The following CLN6 variants were observed in gnomAD, a reference collection of about 807,000 sequenced individuals.
CLN6 encodes the protein ceroid-lipofuscinosis neuronal protein 6.
In CLN6, 22 loss-of-function variants were observed where a neutral mutation model predicts 33.3. The ratio of observed to expected loss-of-function variants is 0.66; its 90% confidence interval spans 0.47 to 0.94. The LOEUF (loss-of-function observed/expected upper bound fraction) is 0.94. Ranked by LOEUF, CLN6 falls within the 40% of genes least tolerant of loss-of-function variation. CLN6 has a pLI of 0.00. For synonymous variants in CLN6, 201 were observed against 174.6 expected (o/e 1.15, Z -1.19); for missense variants, 387 against 417.1 (o/e 0.93, Z 0.63).
At position 68,236,954 on chromosome 15, in the gene CLN6, G is replaced by A. The variant is rs1267232379; in HGVS notation, c.180-18304C>T. Among the ~76,000 whole-genome samples the A allele has an allele frequency of 6.6e-6, 1 of 150,414 alleles. No individual in the cohort carries two copies. The highest frequency in any genetic ancestry group is 2.0e-4 in the East Asian group (1 of 5,102). On this transcript the variant is annotated intron_variant, in intron 1 of 6. Coordinates refer to the CLN6 transcript ENST00000538696. This position sits in a 1 kb window ranked among gnomAD's most constrained non-coding sequence, Gnocchi z 4.5. The stretch of plus-strand genomic sequence containing the variant: ...GGGTGGATCATGAGGTCAGGAGATC[G>A]AGACCATCCTGGCTAACAAGGTGAA...
At chr15:68,214,162 C>A in intron 3 of CLN6, 128 bp downstream of exon 3, 1 of 759,082 alleles carries the variant, frequency 1.3e-6, no homozygotes, top group Non-Finnish European at 2.3e-6. Context: ...GCTGCTCTGT[C>A]ACAGCCTTCA....
chr15:68,215,646 AT>A (rs1417943380), intron 2 of CLN6: 1 of 152,156 alleles, frequency 6.6e-6, no homozygotes, highest in Non-Finnish European at 1.5e-5. Flanking sequence ...TAATTTTTAA[AT>A]TATTTGTAAA....
At chr15:68,231,310 C>T (rs2141157662), upstream of CLN6, among the ~76,000 whole-genome samples, 1 of 152,206 alleles carries the variant, frequency 6.6e-6, no homozygotes, top group African/African-American at 2.4e-5. Context: ...TTAAAGCTTT[C>T]CTTGTTTCAT....
In CLN6 at chr15:68,227,108, G is replaced by A. The variant is rs1038119849; in HGVS notation, c.83+2394C>T. On this transcript the variant is annotated intron_variant, in intron 1 of 6. Transcript: ENST00000249806. The surrounding 1 kb of genome is among the most constrained non-coding windows in gnomAD (Gnocchi z 4.1). ...GCTGGAGTGCAGTGGCGCCATCTCG[G>A]CTCACTACAACCTCCGCCTCCCAGG... 6.6e-6 allele frequency among the ~76,000 whole-genome samples: 1 copy of A among 151,670 alleles called. No homozygotes were observed. The highest frequency in any genetic ancestry group is 2.4e-5 in the African/African-American group (1 of 41,260).
rs757734645 is a variant in CLN6 at position 68,211,679 on chromosome 15, G to A, written c.482C>T (p.Thr161Met). ...NPIIKNLKPE[T>M]LIDSFELLYY... is the part of the protein sequence containing the mutation. The stretch of plus-strand genomic sequence containing the variant: ...GGGAGCAGGAGGTGGCCTCACCAGC[G>A]TCTCCGGCTTGAGATTCTTGATGAT... Residue 161 changes from threonine (T) to methionine (M), a missense_variant, in exon 4 of 7, where the codon ACG becomes ATG. Physicochemically the swap from Thr to Met is moderately conservative, Grantham distance 81. Coordinates refer to ENST00000249806, the MANE Select transcript of CLN6 (RefSeq NM_017882.3). This position sits in a 1 kb window ranked among gnomAD's most constrained non-coding sequence, Gnocchi z 5.9. 35 of 1,613,442 alleles carry A rather than the reference G, an allele frequency of 2.2e-5. No individual in the cohort carries two copies. Among genetic ancestry groups the A allele is most frequent in the East Asian group, 4.5e-5 (2 of 44,874 alleles).
intron 1 of CLN6, among the ~76,000 whole-genome samples, chr15:68,250,895 T>C (rs1043107689): frequency 6.6e-6 from 1 of 152,178 alleles, no homozygotes; most frequent in Non-Finnish European, 1.5e-5. Flanking sequence ...ATACTAACTC[T>C]TACAAAGAAT....
chr15:68,220,691 C>T lies in CLN6; in HGVS notation c.84-2041G>A, dbSNP rs1030292528. Among the ~76,000 whole-genome samples, 9 of 152,216 alleles carry T rather than the reference C, an allele frequency of 5.9e-5. No homozygotes were observed. The highest frequency in any genetic ancestry group is 2.2e-4 in the African/African-American group (9 of 41,458). ...CAGTTCATGATCTGGCCATATGAGC[C>T]AACACATTCCTTTTTGCTAAGGATG... On this transcript the variant is annotated intron_variant, in intron 1 of 6. Transcript: ENST00000249806. This position sits in a 1 kb window ranked among gnomAD's most constrained non-coding sequence, Gnocchi z 4.2.
intron 1 of CLN6, among the ~76,000 whole-genome samples, chr15:68,245,375 C>T (rs1367941886): frequency 3.3e-5 from 5 of 151,892 alleles, no homozygotes; most frequent in African/African-American, 7.3e-5. Flanking sequence ...TGAGCCTGGG[C>T]AACATGTTGA....
Position 68,249,947 on chromosome 15 carries a change from A to G in CLN6, c.179+6743T>C, listed in dbSNP as rs1892361466. 2.0e-5 allele frequency among the ~76,000 whole-genome samples: 3 copies of G among 151,862 alleles called. No homozygotes were observed. In the South Asian group the frequency reaches 6.2e-4, roughly 32 times the overall value. On this transcript the variant is annotated intron_variant, in intron 1 of 6. Transcript: ENST00000538696. ...ACCATCAGGCCTGGCTAATTTTTGT[A>G]TTTTTAGTAGAGACGGGGTTTCACC...
intron 1 of CLN6, among the ~76,000 whole-genome samples, chr15:68,240,356 G>C (rs1892270019): frequency 6.6e-6 from 1 of 152,204 alleles, no homozygotes; most frequent in African/African-American, 2.4e-5. Context: ...TCAGCACTTT[G>C]GGAGGCTAAG....
At chr15:68,252,329 C>A (rs188747118) in intron 1 of CLN6, among the ~76,000 whole-genome samples, 1 of 152,054 alleles carries the variant, frequency 6.6e-6, no homozygotes, top group Non-Finnish European at 1.5e-5. Flanking sequence ...GAGCAAAATA[C>A]ATGAATAGGC....
At position 68,227,227 on chromosome 15, in the gene CLN6, C is replaced by T. The variant is rs968076038; in HGVS notation, c.83+2275G>A. On this transcript the variant is annotated intron_variant, in intron 1 of 6. Coordinates refer to ENST00000249806, the MANE Select transcript of CLN6 (RefSeq NM_017882.3). This position sits in a 1 kb window ranked among gnomAD's most constrained non-coding sequence, Gnocchi z 4.1. ...TAATTTTTGTATTTTTTAGTAGAGA[C>T]GGGGATTCTCCATGTTGGCCAGGCT... is the stretch of plus-strand genomic sequence containing the variant. Among the ~76,000 whole-genome samples the T allele has an allele frequency of 1.3e-5, 2 of 151,698 alleles. No individual in the cohort carries two copies. The highest frequency in any genetic ancestry group is 2.9e-5 in the Non-Finnish European group (2 of 67,982).
rs1356552911 is a variant in CLN6, at chr15:68,242,204, A to T, written c.179+14486T>A. 3.3e-5 allele frequency among the ~76,000 whole-genome samples: 5 copies of T among 152,212 alleles called. No individual in the cohort carries two copies. The highest frequency in any genetic ancestry group is 5.9e-5 in the Non-Finnish European group (4 of 68,040). The stretch of plus-strand genomic sequence containing the variant: ...GATCTACAAGATAATACAGAAAATC[A>T]ATTCGGAATTTATTAAATTTAACAA... On this transcript the variant is annotated intron_variant, in intron 1 of 6. Coordinates refer to the CLN6 transcript ENST00000538696. This position sits in a 1 kb window ranked among gnomAD's most constrained non-coding sequence, Gnocchi z 5.0.
intron 1 of CLN6, among the ~76,000 whole-genome samples, chr15:68,251,967 CTTTTT>C (rs35907860): frequency 7.0e-5 from 5 of 71,892 alleles, no homozygotes; most frequent in Non-Finnish European, 1.3e-4. Flanking sequence ...ATGTGTGAAT[CTTTTT>C]TTTTTTTTTT....
At chr15:68,221,769 C>T (rs527657832) in intron 1 of CLN6, among the ~76,000 whole-genome samples, 8 of 143,522 alleles carry the variant, frequency 5.6e-5, no homozygotes, top group South Asian at 4.6e-4. Flanking sequence ...AGCTGCCCAT[C>T]GTCTGGGATG....
At chr15:68,229,748 G>T, upstream of CLN6, 1 of 361,652 alleles carries the variant, frequency 2.8e-6, no homozygotes, top group South Asian at 7.1e-5. Context: ...CGGACCCGGG[G>T]CGGGGCGGAG....
chr15:68,233,693 C>A (rs1892189099), upstream of CLN6, among the ~76,000 whole-genome samples: 2 of 152,220 alleles, frequency 1.3e-5, no homozygotes, highest in Admixed American at 1.3e-4. This position sits in a 1 kb window ranked among gnomAD's most constrained non-coding sequence, Gnocchi z 4.3. Context: ...GAGGCTGGGA[C>A]TCCAGAAGGC....
chr15:68,232,720 T>A (rs2093270089), upstream of CLN6, among the ~76,000 whole-genome samples: 1 of 152,176 alleles, frequency 6.6e-6, no homozygotes, highest in Non-Finnish European at 1.5e-5. This position sits in a 1 kb window ranked among gnomAD's most constrained non-coding sequence, Gnocchi z 4.7. Context: ...CAGACTGGCC[T>A]GAGTTCCGAG....
Position 68,210,651 on chromosome 15 carries a change from C to G in CLN6, c.542+612G>C, listed in dbSNP as rs559396230. Among the ~76,000 whole-genome samples the G allele has an allele frequency of 6.6e-6, 1 of 152,306 alleles. No individual in the cohort carries two copies. Among genetic ancestry groups the G allele is most frequent in the South Asian group, 2.1e-4 (1 of 4,824 alleles). On this transcript the variant is annotated intron_variant, in intron 5 of 6. Coordinates refer to ENST00000249806, the MANE Select transcript of CLN6 (RefSeq NM_017882.3). The surrounding 1 kb of genome is among the most constrained non-coding windows in gnomAD (Gnocchi z 5.6). ...AGATGGGAGGGTGGAACAGATGAAG[C>G]CTCCCAGCCTGGGCCCGGGATCTCC...
Sources: gnomAD v4.1 joint callset for allele counts (sites outside exome capture counted in the v4.1 genomes callset) on GRCh38, gnomAD v4.1.1 for gene constraint, Gnocchi (gnomAD v3.1) non-coding constraint, MANE v1.5 for transcripts, NCBI Gene and HGNC (gene_info 2026-07-23, HGNC 2026-07-21) for gene names.